CPEB3: variants seen among roughly 807,000 people sequenced by gnomAD.
The protein encoded by CPEB3 is cytoplasmic polyadenylation element-binding protein 3.
CPEB3 carries 20 observed loss-of-function variants against 67.2 expected under a neutral mutation model. The ratio of observed to expected loss-of-function variants is 0.30; its 90% CI spans 0.21 to 0.43. The LOEUF (loss-of-function observed/expected upper bound fraction) is 0.43, where lower values mean the gene tolerates loss of function less well. Ranked by LOEUF, CPEB3 falls within the 20% of genes least tolerant of loss-of-function variation. The pLI is 1.00. For missense variants in CPEB3, 746 were observed against 968.6 expected, an observed-to-expected ratio of 0.77 and a Z score of 3.05; for synonymous variants, 376 against 393.1, an observed-to-expected ratio of 0.96 and a Z score of 0.51.
chr10:92,114,290 A>C (rs1844894837), intron 6 of CPEB3, among the ~76,000 whole-genome samples: 1 of 152,234 alleles, frequency 6.6e-6, no homozygotes, highest in Non-Finnish European at 1.5e-5. Flanking sequence ...ATGACAACAG[A>C]AATCAGAGGA....
chr10:92,187,884 T>A (rs946675157), intron 3 of CPEB3, among the ~76,000 whole-genome samples: 2 of 152,168 alleles, frequency 1.3e-5, no homozygotes, highest in Non-Finnish European at 2.9e-5. Flanking sequence ...CCCAAGGATT[T>A]CTGTACTTCG....
At chr10:92,197,870 A>G (rs1849313777) in intron 2 of CPEB3, among the ~76,000 whole-genome samples, 1 of 152,166 alleles carries the variant, frequency 6.6e-6, no homozygotes, top group Non-Finnish European at 1.5e-5. Context: ...GCACTTTGGG[A>G]GGCCGAGGTG....
At chr10:92,086,594 C>G (rs753745054) in intron 8 of CPEB3, among the ~76,000 whole-genome samples, 4 of 152,184 alleles carry the variant, frequency 2.6e-5, no homozygotes, top group Non-Finnish European at 5.9e-5. Flanking sequence ...TACAATCTCA[C>G]AGGGTCATTG....
intron 2 of CPEB3, among the ~76,000 whole-genome samples, chr10:92,211,092 A>C (rs953752714): frequency 1.3e-5 from 2 of 152,228 alleles, no homozygotes; most frequent in Non-Finnish European, 2.9e-5. Context: ...ATGAAAGCTC[A>C]AAGAAAATAC....
At chr10:92,225,376 C>G (rs186167665) in intron 2 of CPEB3, among the ~76,000 whole-genome samples, 8 of 152,196 alleles carry the variant, frequency 5.3e-5, no homozygotes, top group African/African-American at 1.9e-4. Context: ...GTTCAATATT[C>G]GAAAACTGAA....
At chr10:92,254,811 A>T (rs1031291068) in intron 1 of CPEB3, among the ~76,000 whole-genome samples, 3 of 151,902 alleles carry the variant, frequency 2.0e-5, no homozygotes, top group Non-Finnish European at 4.4e-5. Flanking sequence ...GGCATATACC[A>T]CCACACCCAG....
At chr10:92,149,664 T>A (rs189789390) in intron 4 of CPEB3, among the ~76,000 whole-genome samples, 16 of 152,316 alleles carry the variant, frequency 1.1e-4, no homozygotes, top group Non-Finnish European at 2.4e-4. Flanking sequence ...TAGAGTACGA[T>A]AGACGTTAGC....
At chr10:92,226,513 T>C (rs1850982069) in intron 2 of CPEB3, among the ~76,000 whole-genome samples, 1 of 152,206 alleles carries the variant, frequency 6.6e-6, no homozygotes, top group African/African-American at 2.4e-5. Context: ...TTTGTAAATG[T>C]AGATCATAAA....
chr10:92,076,028 C>T (rs907669846), intron 9 of CPEB3, among the ~76,000 whole-genome samples: 1 of 152,180 alleles, frequency 6.6e-6, no homozygotes, highest in East Asian at 1.9e-4. Context: ...AATGAATTGT[C>T]TCACTTGATG....
chr10:92,190,346 T>C (rs1056715529), intron 3 of CPEB3, among the ~76,000 whole-genome samples: 7 of 151,736 alleles, frequency 4.6e-5, no homozygotes, highest in African/African-American at 1.7e-4. Flanking sequence ...GTGTTCCCCA[T>C]GTTCAAGTGG....
At chr10:92,270,634 C>G (rs529733868) in intron 1 of CPEB3, among the ~76,000 whole-genome samples, 54 of 147,750 alleles carry the variant, frequency 3.7e-4, no homozygotes, top group Non-Finnish European at 7.7e-4. Context: ...GTGATCTGGG[C>G]TCACTGCAGC....
intron 6 of CPEB3, among the ~76,000 whole-genome samples, chr10:92,135,793 A>C (rs1168765985): frequency 2.0e-5 from 3 of 152,204 alleles, no homozygotes; most frequent in Admixed American, 6.5e-5. Context: ...TGGATTAAGA[A>C]AATGTGGCAC....
chr10:92,251,389 TTCTCTCTC>T (rs140503056), intron 1 of CPEB3, among the ~76,000 whole-genome samples: 1 of 149,624 alleles, frequency 6.7e-6, no homozygotes. Context: ...TTCTCTCCTC[TTCTCTCTC>T]TCTCTCTCTC....
At chr10:92,204,910 G>T (rs1248198449) in intron 2 of CPEB3, among the ~76,000 whole-genome samples, 1 of 139,348 alleles carries the variant, frequency 7.2e-6, no homozygotes, top group African/African-American at 2.7e-5. Flanking sequence ...GTACTATAAT[G>T]GCTCACTGCA....
At chr10:92,181,818 A>G (rs756163621) in intron 3 of CPEB3, among the ~76,000 whole-genome samples, 1 of 152,260 alleles carries the variant, frequency 6.6e-6, no homozygotes, top group South Asian at 2.1e-4. Context: ...ACTCTTTAGC[A>G]CTTCACAAAG....
intron 9 of CPEB3, among the ~76,000 whole-genome samples, chr10:92,080,525 G>C (rs1018589013): frequency 3.9e-5 from 6 of 152,134 alleles, no homozygotes; most frequent in Non-Finnish European, 7.4e-5. Context: ...AACAGAATGA[G>C]TTGAAGAGGA....
intron 7 of CPEB3, among the ~76,000 whole-genome samples, chr10:92,093,201 A>G (rs1470384619): frequency 6.6e-6 from 1 of 152,214 alleles, no homozygotes; most frequent in Non-Finnish European, 1.5e-5. Context: ...GGCTGGGTGC[A>G]GAAAGGGAAC....
intron 7 of CPEB3, among the ~76,000 whole-genome samples, chr10:92,100,568 G>T (rs965704542): frequency 6.6e-6 from 1 of 151,926 alleles, no homozygotes; most frequent in Middle Eastern, 3.2e-3. Context: ...GAGCCACCAC[G>T]CCCAGCCAAT....
chr10:92,172,248 C>T (rs1298294313), intron 4 of CPEB3, among the ~76,000 whole-genome samples: 8 of 152,098 alleles, frequency 5.3e-5, no homozygotes, highest in Non-Finnish European at 1.2e-4. Flanking sequence ...GCCTCCCTAC[C>T]TCAAACTGCA....
Sources: gnomAD v4.1 joint callset for allele counts (sites outside exome capture counted in the v4.1 genomes callset) on GRCh38, gnomAD v4.1.1 for gene constraint, MANE v1.5 for transcripts, NCBI Gene and HGNC (gene_info 2026-07-23, HGNC 2026-07-21) for gene names.